The following MYOCD variants were observed in gnomAD, a reference collection of about 807,000 sequenced individuals.
MYOCD encodes myocardin.
A neutral mutation model predicts 96.1 loss-of-function variants in MYOCD; 32 were observed. The observed-to-expected ratio is 0.33, with a 90% CI of 0.25 to 0.45. MYOCD has a LOEUF of 0.45. Ranked by LOEUF, MYOCD falls within the 20% of genes least tolerant of loss-of-function variation. The probability of loss-of-function intolerance (pLI) is 1.00; values close to 1 mark genes in which losing one functional copy is unlikely to be tolerated. For missense variants in MYOCD, 1,133 were observed against 1,200.6 expected (o/e 0.94, Z 0.83); for synonymous variants, 469 against 469.0 (o/e 1.00, Z 0.00).
At position 12,705,141 on chromosome 17, in the gene MYOCD, A is replaced by G. The variant is rs2031237158; in HGVS notation, c.69A>G (p.Arg23=). 6.2e-6 allele frequency: 10 copies of G among 1,613,162 alleles called. No individual in the cohort carries two copies. The East Asian group carries it at 2.0e-4, about 32-fold the overall frequency. Residue 23 remains arginine (R), a synonymous_variant, in exon 2 of 14, where the codon AGA becomes AGG. Transcript: ENST00000425538. ...RSKFRSVLQL[R]LQQRRTQEQL... is the part of the protein sequence containing the mutation. ...CCCTTTTCTAAGTTTTACAGTTAAG[A>G]CTTCAACAAAGAAGGACCCAGGAAC...
chr17:12,698,696 G>C (rs1342134394), intron 1 of MYOCD, among the ~76,000 whole-genome samples: 1 of 142,874 alleles, frequency 7.0e-6, no homozygotes, highest in African/African-American at 2.6e-5. Flanking sequence ...TCTCCATATA[G>C]AAGCAAAGAA....
At chr17:12,680,483 G>C (rs897698850) in intron 1 of MYOCD, among the ~76,000 whole-genome samples, 1 of 152,274 alleles carries the variant, frequency 6.6e-6, no homozygotes, top group South Asian at 2.1e-4. Context: ...ATGAACAAGC[G>C]AACACAAGAA....
chr17:12,683,465 GCT>G (rs1005928395), intron 1 of MYOCD, among the ~76,000 whole-genome samples: 1 of 151,324 alleles, frequency 6.6e-6, no homozygotes, highest in South Asian at 2.1e-4. Flanking sequence ...GTGCGCGCGC[GCT>G]CTCTCTCTCT....
At chr17:12,716,386 T>C (rs12449382) in intron 3 of MYOCD, among the ~76,000 whole-genome samples, 3,104 of 152,268 alleles carry the variant, frequency 0.02, 148 homozygotes, top group Admixed American at 0.11. Context: ...GGAGATCCAC[T>C]GTAGTGAGAT....
At chr17:12,675,745 G>A (rs1363990705) in intron 1 of MYOCD, among the ~76,000 whole-genome samples, 2 of 152,168 alleles carry the variant, frequency 1.3e-5, no homozygotes, top group Admixed American at 1.3e-4. Flanking sequence ...TGTAGTCCCA[G>A]CTACCTGGAA....
rs1353103469 is a variant in MYOCD, at chr17:12,733,049, G to A, written c.416-3112G>A. 3.9e-5 allele frequency among the ~76,000 whole-genome samples: 6 copies of A among 152,294 alleles called. No homozygotes were observed. In the East Asian group the frequency reaches 1.2e-3, roughly 29 times the overall value. ...AAGTAGGCTGGGCGCGGTGGCTCAC[G>A]CCTATAATCCCAGCACTTTGGGAGG... On this transcript the variant is annotated intron_variant, in intron 5 of 13. Coordinates refer to ENST00000425538, the MANE Select transcript of MYOCD (RefSeq NM_001146312.3).
At chr17:12,678,077 G>C (rs917763022) in intron 1 of MYOCD, among the ~76,000 whole-genome samples, 1 of 151,484 alleles carries the variant, frequency 6.6e-6, no homozygotes, top group African/African-American at 2.4e-5. Context: ...ATTTTTAGTA[G>C]AGATGGGGTT....
intron 6 of MYOCD, among the ~76,000 whole-genome samples, chr17:12,738,543 A>G (rs1309125552): frequency 6.6e-6 from 1 of 152,106 alleles, no homozygotes; most frequent in Non-Finnish European, 1.5e-5. Flanking sequence ...GCACACACAC[A>G]CACGTATACA....
At chr17:12,687,041 A>G (rs535167721) in intron 1 of MYOCD, among the ~76,000 whole-genome samples, 1 of 152,326 alleles carries the variant, frequency 6.6e-6, no homozygotes, top group Admixed American at 6.5e-5. Context: ...TTAGAACCAA[A>G]TCATAAAAAT....
At chr17:12,711,231 G>A (rs774727384) in intron 2 of MYOCD, among the ~76,000 whole-genome samples, 9 of 151,998 alleles carry the variant, frequency 5.9e-5, no homozygotes, top group Non-Finnish European at 8.8e-5. Context: ...TTAAAACCAA[G>A]ACAGAGAGAA....
chr17:12,748,302 T>A (rs1169797241), intron 9 of MYOCD, among the ~76,000 whole-genome samples: 1 of 152,166 alleles, frequency 6.6e-6, no homozygotes, highest in Non-Finnish European at 1.5e-5. Flanking sequence ...AATGTTATTA[T>A]ATTATGGCTT....
chr17:12,749,664 CAT>C (rs1487599009), intron 9 of MYOCD, among the ~76,000 whole-genome samples: 1 of 87,760 alleles, frequency 1.1e-5, no homozygotes, highest in African/African-American at 4.1e-5. Flanking sequence ...TATATATACA[CAT>C]ATGTATATAC....
intron 5 of MYOCD, among the ~76,000 whole-genome samples, chr17:12,732,600 T>C (rs1220855039): frequency 6.6e-6 from 1 of 152,198 alleles, no homozygotes; most frequent in Non-Finnish European, 1.5e-5. Flanking sequence ...CCATATCTTA[T>C]CTGATCACAC....
At chr17:12,740,358 C>T (rs1597797184) in intron 7 of MYOCD, among the ~76,000 whole-genome samples, 1 of 152,342 alleles carries the variant, frequency 6.6e-6, no homozygotes, top group Admixed American at 6.5e-5. Context: ...AATTCCATTA[C>T]ATAATTCTTA....
chr17:12,665,956 C>CGAG lies in MYOCD; in HGVS notation c.-222_-220dup. The CGAG allele has an allele frequency of 1.8e-6, 1 of 544,480 alleles. No homozygotes were observed. Among genetic ancestry groups the CGAG allele is most frequent in the Non-Finnish European group, 3.3e-6 (1 of 305,738 alleles). 33.7% of individuals were successfully genotyped at this position (544,480 alleles called of 1,614,324 possible). On this transcript the variant is annotated 5_prime_UTR_variant, in exon 1 of 14. Coordinates refer to ENST00000425538, the MANE Select transcript of MYOCD (RefSeq NM_001146312.3). The surrounding 1 kb of genome is among the most constrained non-coding windows in gnomAD (Gnocchi z 4.2). ...TGCCGCGCTGCTCCTGGCCAACCTC[C>CGAG]GAGGAGGAGGAGGGTCCCGCCGGCT...
intron 4 of MYOCD, among the ~76,000 whole-genome samples, chr17:12,719,698 C>CAAA (rs57311284): frequency 0.058 from 6,186 of 106,178 alleles, 297 homozygotes; most frequent in African/African-American, 0.12. Context: ...ACTAAAAATA[C>CAAA]AAAAAAAAAA....
intron 1 of MYOCD, among the ~76,000 whole-genome samples, chr17:12,685,522 C>T (rs985244222): frequency 1.3e-5 from 2 of 151,180 alleles, no homozygotes; most frequent in Non-Finnish European, 2.9e-5. Flanking sequence ...AGGAGAATCA[C>T]TTGAACCCAG....
rs753418480 is a variant in MYOCD, at chr17:12,698,127, G to C, written c.56-7001G>C. ...AAGGAGCCACCGCAAGATGCTATAC[G>C]AAGTAATCTTATAAAAAGGGAGTTT... On this transcript the variant is annotated intron_variant, in intron 1 of 13. Coordinates refer to ENST00000425538, the MANE Select transcript of MYOCD (RefSeq NM_001146312.3). 2.6e-5 allele frequency among the ~76,000 whole-genome samples: 4 copies of C among 152,122 alleles called. 1 individual carries two copies. Among genetic ancestry groups the C allele is most frequent in the South Asian group, 2.1e-4 (1 of 4,826 alleles).
intron 3 of MYOCD, 90 bp downstream of exon 3, chr17:12,715,664 A>G: frequency 1.0e-6 from 1 of 976,748 alleles, no homozygotes. Flanking sequence ...TAGAATTCCT[A>G]CAACAAACAC....
Sources: allele counts gnomAD v4.1 joint callset (sites outside exome capture counted in the v4.1 genomes callset), GRCh38; gene constraint gnomAD v4.1.1; non-coding constraint Gnocchi (gnomAD v3.1); transcripts MANE v1.5; gene names NCBI Gene and HGNC (gene_info 2026-07-23, HGNC 2026-07-21).